Variants in EPSTI1 observed in about 807,000 individuals in gnomAD.
EPSTI1 encodes the protein epithelial-stromal interaction protein 1.
Under a neutral mutation model 49.9 loss-of-function variants are expected in EPSTI1, and 66 were observed. The observed-to-expected ratio is 1.32, with a 90% CI of 1.08 to 1.62. The LOEUF (loss-of-function observed/expected upper bound fraction) is 1.62, where lower values mean the gene tolerates loss of function less well. EPSTI1 is among the 40% of genes most tolerant of loss of function. The pLI is 0.00. For missense variants in EPSTI1, 394 were observed against 365.5 expected, an observed-to-expected ratio of 1.08 and a Z score of -0.64; for synonymous variants, 137 against 130.7, an observed-to-expected ratio of 1.05 and a Z score of -0.33.
At chr13:42,991,757 G>C (rs964175153) in intron 1 of EPSTI1, among the ~76,000 whole-genome samples, 1 of 152,208 alleles carries the variant, frequency 6.6e-6, no homozygotes, top group Non-Finnish European at 1.5e-5. Flanking sequence ...AGTATTCCTG[G>C]AAGGAACCGG....
intron 8 of EPSTI1, among the ~76,000 whole-genome samples, chr13:42,913,092 G>A (rs2037732674): frequency 6.6e-6 from 1 of 151,798 alleles, no homozygotes; most frequent in Non-Finnish European, 1.5e-5. Context: ...TACAGGAAGG[G>A]GGAGTGGAGA....
chr13:42,899,986 T>A (rs1369202137), intron 9 of EPSTI1, among the ~76,000 whole-genome samples: 1 of 152,226 alleles, frequency 6.6e-6, no homozygotes, highest in Non-Finnish European at 1.5e-5. Flanking sequence ...GACTATCGTC[T>A]CAAACTAGGA....
At chr13:42,927,971 A>G (rs1356462070) in intron 6 of EPSTI1, among the ~76,000 whole-genome samples, 3 of 152,244 alleles carry the variant, frequency 2.0e-5, no homozygotes, top group Non-Finnish European at 2.9e-5. Context: ...GTGACAAGCA[A>G]GGAAGAAACT....
chr13:42,969,258 C>T (rs2039706696), intron 2 of EPSTI1, 81 bp from the exon 3 acceptor site: 9 of 1,356,402 alleles, frequency 6.6e-6, no homozygotes, highest in Non-Finnish European at 9.2e-6. Context: ...TAAGAAACAA[C>T]TATTAGAAGG....
intron 1 of EPSTI1, among the ~76,000 whole-genome samples, chr13:42,984,710 T>C (rs4942185): frequency 0.63 from 96,030 of 152,128 alleles, 30,810 homozygotes; most frequent in Non-Finnish European, 0.67. Context: ...ACTGCTCTTA[T>C]CAAACCATCA....
rs992313121 is a variant in EPSTI1 at position 42,922,309 on chromosome 13, T to C, written c.657+4027A>G. 2.0e-5 allele frequency among the ~76,000 whole-genome samples: 3 copies of C among 152,208 alleles called. No homozygotes were observed. Among genetic ancestry groups the C allele is most frequent in the Non-Finnish European group, 4.4e-5 (3 of 68,048 alleles). The stretch of plus-strand genomic sequence containing the variant: ...TTTCTTTATGTGACAAAAGGGACTT[T>C]GCAGAAATTAAGGATCTGGAAGTGG... On this transcript the variant is annotated intron_variant, in intron 7 of 10. Transcript: ENST00000313624. This position sits in a 1 kb window ranked among gnomAD's most constrained non-coding sequence, Gnocchi z 4.8.
At chr13:42,988,535 G>C (rs1213025392) in intron 1 of EPSTI1, among the ~76,000 whole-genome samples, 1 of 152,088 alleles carries the variant, frequency 6.6e-6, no homozygotes, top group Non-Finnish European at 1.5e-5. Flanking sequence ...GTTTGAGACC[G>C]GCCTGGCCAA....
chr13:42,903,276 GA>G (rs1283439530), intron 8 of EPSTI1, among the ~76,000 whole-genome samples: 3 of 151,144 alleles, frequency 2.0e-5, no homozygotes, highest in Non-Finnish European at 4.4e-5. Flanking sequence ...ACTTGTCTGA[GA>G]AAAAAAATAC....
At chr13:42,898,287 A>G (rs2037254292) in intron 9 of EPSTI1, among the ~76,000 whole-genome samples, 1 of 152,194 alleles carries the variant, frequency 6.6e-6, no homozygotes, top group South Asian at 2.1e-4. Flanking sequence ...TCCCCTACAC[A>G]CACACTATAT....
intron 1 of EPSTI1, among the ~76,000 whole-genome samples, chr13:42,978,280 A>G (rs190595172): frequency 6.6e-6 from 1 of 152,336 alleles, no homozygotes; most frequent in African/African-American, 2.4e-5. Flanking sequence ...TTAGGAAGAC[A>G]TGAGACATCA....
rs1483113091 is a variant in EPSTI1 at position 42,926,430 on chromosome 13, C to G, written c.564-1G>C. ...TTTGCTCAAGAACTCAGCGGTTTTG[C>G]TACCAGAAACACAAACAGGTGTTAG... On this transcript the variant is annotated splice_acceptor_variant, in intron 6 of 10. Coordinates refer to ENST00000313624, the MANE Select transcript of EPSTI1 (RefSeq NM_033255.5). LOFTEE classifies it high-confidence loss of function. 4 of 1,596,016 alleles carry G rather than the reference C, an allele frequency of 2.5e-6. No homozygotes were observed. The South Asian group carries it at 4.4e-5, about 18-fold the overall frequency.
chr13:42,919,651 C>T (rs1336566059), intron 7 of EPSTI1, among the ~76,000 whole-genome samples: 1 of 152,112 alleles, frequency 6.6e-6, no homozygotes, highest in African/African-American at 2.4e-5. Flanking sequence ...GGTTACAGTA[C>T]AGCATGATAG....
chr13:42,907,633 C>G (rs1021159053), intron 8 of EPSTI1, among the ~76,000 whole-genome samples: 5 of 152,156 alleles, frequency 3.3e-5, no homozygotes, highest in African/African-American at 1.2e-4. Flanking sequence ...GTTCTCCTTA[C>G]CCCAACAAAT....
At chr13:42,926,278 G>T in intron 7 of EPSTI1, 58 bp downstream of exon 7, 3 of 978,546 alleles carry the variant, frequency 3.1e-6, no homozygotes, top group Non-Finnish European at 5.0e-6. Flanking sequence ...CTCATCTTCA[G>T]TCACTAAATA....
chr13:42,888,539 C>T lies in EPSTI1; in HGVS notation c.916-37G>A, dbSNP rs769797428. Reference sequence around the variant, plus strand: ...AGAAAACAAAAATTACTGCAAGCAGCAAAATAAAATTCAAAGCCTTTGTAG... The same window carrying T: ...AGAAAACAAAAATTACTGCAAGCAGTAAAATAAAATTCAAAGCCTTTGTAG... On this transcript the variant is annotated intron_variant, in intron 10 of 10. Transcript: ENST00000313624. The T allele has an allele frequency of 8.3e-6, 13 of 1,570,716 alleles. No homozygotes were observed. The South Asian group carries it at 1.2e-4, about 15-fold the overall frequency.
intron 5 of EPSTI1, among the ~76,000 whole-genome samples, chr13:42,958,505 C>G (rs1327461541): frequency 6.6e-6 from 1 of 152,130 alleles, no homozygotes; most frequent in African/African-American, 2.4e-5. Flanking sequence ...GATAGAGAAG[C>G]AAGGTCCCTG....
At chr13:42,930,738 A>G (rs1294746332) in intron 6 of EPSTI1, among the ~76,000 whole-genome samples, 1 of 152,254 alleles carries the variant, frequency 6.6e-6, no homozygotes, top group Non-Finnish European at 1.5e-5. Flanking sequence ...ATATAAAGAA[A>G]AAAAGTGAAG....
At chr13:42,928,518 C>T (rs898157759) in intron 6 of EPSTI1, among the ~76,000 whole-genome samples, 2 of 152,134 alleles carry the variant, frequency 1.3e-5, no homozygotes, top group African/African-American at 4.8e-5. Flanking sequence ...TGGTCCTCTT[C>T]CACTTTGTCA....
chr13:42,897,126 C>T (rs1413084021), intron 9 of EPSTI1, among the ~76,000 whole-genome samples: 8 of 151,176 alleles, frequency 5.3e-5, no homozygotes, highest in African/African-American at 1.7e-4. Flanking sequence ...AATCCCATCA[C>T]TTGGGACTCA....
Sources: gnomAD v4.1 joint callset for allele counts (sites outside exome capture counted in the v4.1 genomes callset) on GRCh38, gnomAD v4.1.1 for gene constraint, Gnocchi (gnomAD v3.1) non-coding constraint, MANE v1.5 for transcripts, NCBI Gene and HGNC (gene_info 2026-07-23, HGNC 2026-07-21) for gene names.